SYNPR: variants seen among roughly 807,000 people sequenced by gnomAD.
SYNPR encodes synaptoporin.
SYNPR carries 23 observed loss-of-function variants against 32.9 expected under a neutral mutation model. The observed-to-expected ratio is 0.70, with a 90% confidence interval of 0.50 to 0.99. The LOEUF (loss-of-function observed/expected upper bound fraction) is 0.99. SYNPR is among the 50% of genes least tolerant of loss of function. The pLI, the probability that SYNPR is intolerant of heterozygous loss-of-function variation, is 0.00. For synonymous variants in SYNPR, 146 were observed against 135.9 expected, an observed-to-expected ratio of 1.07 and a Z score of -0.52; for missense variants, 318 against 349.3, an observed-to-expected ratio of 0.91 and a Z score of 0.71.
intron 3 of SYNPR, among the ~76,000 whole-genome samples, chr3:63,495,965 T>C (rs1415367333): frequency 6.8e-6 from 1 of 147,994 alleles, no homozygotes; most frequent in South Asian, 2.2e-4. Flanking sequence ...TGGATAACGG[T>C]ATGTCACTAT....
At chr3:63,234,065 C>A (rs113651248) in intron 1 of SYNPR, among the ~76,000 whole-genome samples, 8,441 of 152,202 alleles carry the variant, frequency 0.055, 302 homozygotes, top group Middle Eastern at 0.082. Context: ...AAAGGCATAC[C>A]TGAGACTGGG....
intron 3 of SYNPR, among the ~76,000 whole-genome samples, chr3:63,553,300 G>A (rs914145113): frequency 6.6e-6 from 1 of 152,106 alleles, no homozygotes; most frequent in Admixed American, 6.5e-5. Flanking sequence ...ATAGTATTCC[G>A]TGGGGTATAT....
At chr3:63,232,072 A>G (rs117109324) in intron 1 of SYNPR, among the ~76,000 whole-genome samples, 1 of 152,306 alleles carries the variant, frequency 6.6e-6, no homozygotes, top group East Asian at 1.9e-4. Flanking sequence ...AGTGGAAAAA[A>G]GCACAGGAGA....
chr3:63,301,284 C>T (rs2086842580), intron 2 of SYNPR, among the ~76,000 whole-genome samples: 1 of 152,068 alleles, frequency 6.6e-6, no homozygotes, highest in Admixed American at 6.6e-5. Flanking sequence ...GCGTTCAGCG[C>T]AGTACCTAAT....
chr3:63,580,968 A>T (rs1703079237), intron 4 of SYNPR, among the ~76,000 whole-genome samples: 1 of 152,166 alleles, frequency 6.6e-6, no homozygotes, highest in Admixed American at 6.6e-5. Flanking sequence ...TTGGAAAATA[A>T]AGCATAGGCG....
At chr3:63,208,968 A>G in the SYNPR span, among the ~76,000 whole-genome samples, 3 of 152,194 alleles carry the variant, frequency 2.0e-5, no homozygotes, top group Admixed American at 2.0e-4. Flanking sequence ...TATAGTATCC[A>G]CAGGATACAA....
At chr3:63,494,272 C>T (rs1031885271) in intron 3 of SYNPR, among the ~76,000 whole-genome samples, 7 of 150,552 alleles carry the variant, frequency 4.6e-5, no homozygotes, top group Admixed American at 1.3e-4. Flanking sequence ...TTCACACCCC[C>T]GCCAACAATG....
At chr3:63,270,142 G>T (rs1317285622) in intron 3 of SYNPR, among the ~76,000 whole-genome samples, 1 of 152,122 alleles carries the variant, frequency 6.6e-6, no homozygotes, top group East Asian at 1.9e-4. Flanking sequence ...TGTATTAGGG[G>T]ATAGTCTAAA....
chr3:63,550,923 C>T (rs1702490493), intron 3 of SYNPR, among the ~76,000 whole-genome samples: 1 of 152,262 alleles, frequency 6.6e-6, no homozygotes, highest in Admixed American at 6.5e-5. Context: ...CCCTTTCCCA[C>T]CATCTTCCAG....
chr3:63,207,493 T>G, the SYNPR span, among the ~76,000 whole-genome samples: 16 of 152,208 alleles, frequency 1.1e-4, no homozygotes, highest in Non-Finnish European at 2.4e-4. Flanking sequence ...TTGAACAATT[T>G]GGTAAGTATT....
intron 2 of SYNPR, among the ~76,000 whole-genome samples, chr3:63,460,101 G>T (rs1700553944): frequency 6.6e-6 from 1 of 152,092 alleles, no homozygotes; most frequent in Admixed American, 6.6e-5. Flanking sequence ...CAACCAGAGA[G>T]GTCATTTCTG....
chr3:63,351,062 A>G (rs763088390), intron 2 of SYNPR, among the ~76,000 whole-genome samples: 2 of 151,980 alleles, frequency 1.3e-5, no homozygotes, highest in African/African-American at 2.4e-5. Context: ...AGTTAGTCCT[A>G]TTTACGTAGT....
intron 1 of SYNPR, among the ~76,000 whole-genome samples, chr3:63,245,197 A>C (rs534274432): frequency 1.3e-5 from 2 of 152,104 alleles, no homozygotes; most frequent in Admixed American, 6.6e-5. Flanking sequence ...TTTGGAGTAC[A>C]TAACCAGAAT....
At chr3:63,391,597 G>A (rs1575621339) in intron 2 of SYNPR, among the ~76,000 whole-genome samples, 1 of 152,212 alleles carries the variant, frequency 6.6e-6, no homozygotes, top group Non-Finnish European at 1.5e-5. Context: ...TGACCCAATT[G>A]TCATAGGTAT....
chr3:63,270,002 G>A (rs910822698), intron 3 of SYNPR, among the ~76,000 whole-genome samples: 2 of 152,284 alleles, frequency 1.3e-5, no homozygotes, highest in South Asian at 4.1e-4. Context: ...TAAGATAACT[G>A]TAGTAAAACC....
At chr3:63,262,129 G>A (rs2086443633) in intron 2 of SYNPR, among the ~76,000 whole-genome samples, 1 of 151,230 alleles carries the variant, frequency 6.6e-6, no homozygotes, top group African/African-American at 2.4e-5. Context: ...CATTTTACAA[G>A]GATGGTTACT....
chr3:63,232,504 C>T (rs1359946476), intron 1 of SYNPR, among the ~76,000 whole-genome samples: 1 of 152,038 alleles, frequency 6.6e-6, no homozygotes, highest in African/African-American at 2.4e-5. Flanking sequence ...CGTGCCCTGC[C>T]CCAGATTCTG....
chr3:63,555,494 T>A (rs34762276), intron 3 of SYNPR, among the ~76,000 whole-genome samples: 12,108 of 152,028 alleles, frequency 0.08, 658 homozygotes, highest in Middle Eastern at 0.12. Context: ...GTTCACACCC[T>A]GAGCTACTAT....
intron 2 of SYNPR, among the ~76,000 whole-genome samples, chr3:63,322,910 T>C (rs2087126340): frequency 6.6e-6 from 1 of 152,094 alleles, no homozygotes; most frequent in Non-Finnish European, 1.5e-5. Flanking sequence ...CTCTGTGCTA[T>C]AGGGCATTTC....
Sources: allele counts gnomAD v4.1 joint callset (sites outside exome capture counted in the v4.1 genomes callset), GRCh38; gene constraint gnomAD v4.1.1; transcripts MANE v1.5; gene names NCBI Gene and HGNC (gene_info 2026-07-23, HGNC 2026-07-21).